Variants in MYO1G observed in about 807,000 individuals in gnomAD.
MYO1G encodes the protein unconventional myosin-Ig.
In MYO1G, 65 loss-of-function variants were observed where a neutral mutation model predicts 115.3. The observed-to-expected ratio is 0.56, with a 90% CI of 0.46 to 0.69. The LOEUF (loss-of-function observed/expected upper bound fraction) is 0.69, where lower values mean the gene tolerates loss of function less well. MYO1G is among the 30% of genes least tolerant of loss of function. The pLI is 0.00. For synonymous variants in MYO1G, 510 were observed against 552.6 expected, an observed-to-expected ratio of 0.92 and a Z score of 1.08; for missense variants, 1,204 against 1,393.5, an observed-to-expected ratio of 0.86 and a Z score of 2.16.
At chr7:44,965,916 T>G in intron 16 of MYO1G, 56 bp from the exon 17 acceptor site, 1 of 1,571,538 alleles carries the variant, frequency 6.4e-7, no homozygotes, top group Non-Finnish European at 8.6e-7. Context: ...GCCCTAACCC[T>G]TAGACCCAAA....
intron 3 of MYO1G, 83 bp from the exon 4 acceptor site, chr7:44,975,732 G>T: frequency 1.4e-6 from 2 of 1,394,166 alleles, no homozygotes; most frequent in Non-Finnish European, 9.5e-7. Context: ...CTTCCCAACA[G>T]AAATCACAGC....
In MYO1G at chr7:44,964,297, TG is replaced by T; in HGVS notation, c.2631+117del. 7.7e-7 allele frequency: 1 copy of T among 1,298,316 alleles called. No individual in the cohort carries two copies. Among genetic ancestry groups the T allele is most frequent in the East Asian group, 2.4e-5 (1 of 42,390 alleles). 80.4% of individuals were successfully genotyped at this position (1,298,316 alleles called of 1,614,324 possible). A position where few individuals can be genotyped will look rare whatever the true frequency, so the allele number is the denominator to read the frequency against. On this transcript the variant is annotated intron_variant, in intron 19 of 21. Transcript: ENST00000258787. The surrounding 1 kb of genome is among the most constrained non-coding windows in gnomAD (Gnocchi z 5.1). Reference sequence around the variant, plus strand: ...GTGTCAGGAGCAGCTGGGCCTGGGCTGGGGTTGCCTCCATTTTCTCCCAAGT... The same window carrying T: ...GTGTCAGGAGCAGCTGGGCCTGGGCTGGGTTGCCTCCATTTTCTCCCAAGT...
At chr7:44,968,288 T>C (rs1219431436) in intron 12 of MYO1G, among the ~76,000 whole-genome samples, 1 of 152,230 alleles carries the variant, frequency 6.6e-6, no homozygotes, top group Non-Finnish European at 1.5e-5. Context: ...TCAACCTCTC[T>C]GTGCTTCAGT....
At position 44,964,290 on chromosome 7, in the gene MYO1G, C is replaced by T. The variant is rs1460131840; in HGVS notation, c.2631+125G>A. 1 of 1,291,926 alleles carries T rather than the reference C, an allele frequency of 7.7e-7. No homozygotes were observed. The highest frequency in any genetic ancestry group is 1.5e-5 in the African/African-American group (1 of 68,222). The allele number at this position is 1,291,926 out of a possible 1,614,324, so 80.0% of individuals were successfully genotyped here. A position where few individuals can be genotyped will look rare whatever the true frequency, so the allele number is the denominator to read the frequency against. On this transcript the variant is annotated intron_variant, in intron 19 of 21. Transcript: ENST00000258787. The surrounding 1 kb of genome is among the most constrained non-coding windows in gnomAD (Gnocchi z 5.1). ...TTTGGGAGTGTCAGGAGCAGCTGGG[C>T]CTGGGCTGGGGTTGCCTCCATTTTC...
rs1794795987 is a variant in MYO1G, at chr7:44,964,060, G to A, written c.2734C>T (p.Pro912Ser). 1.3e-6 allele frequency: 2 copies of A among 1,592,728 alleles called. No individual in the cohort carries two copies. The highest frequency in any genetic ancestry group is 1.1e-5 in the South Asian group (1 of 87,670). The change falls in exon 20 of 22, where the codon CCC becomes TCC. Residue 912 changes from proline (P) to serine (S), a missense_variant. By Grantham distance (74) the Pro-to-Ser change is moderately conservative. Coordinates refer to ENST00000258787, the MANE Select transcript of MYO1G (RefSeq NM_033054.3). The surrounding 1 kb of genome is among the most constrained non-coding windows in gnomAD (Gnocchi z 5.1). ...CCCACATTGCTCACCGCCTCAAGGG[G>A]CACGGCCCGCATCACCCGGTACTGC... ...DRQYRVMRAV[P>S]LEAVTGLSVT...
In MYO1G at chr7:44,963,739, TC is replaced by T. The variant is rs35022274; in HGVS notation, c.2745+309del. The T allele has an allele frequency of 5.2e-6, 2 of 385,484 alleles. No individual in the cohort carries two copies. The highest frequency in any genetic ancestry group is 9.6e-6 in the Non-Finnish European group (2 of 208,028). The allele number at this position is 385,484 out of a possible 1,614,324, so 23.9% of individuals were successfully genotyped here. ...CAGAACATTGTGGTGGGTACTCAGG[TC>T]CCAGAATGCCCAGGTGGGAGAACCC... On this transcript the variant is annotated intron_variant, in intron 20 of 21. Coordinates refer to ENST00000258787, the MANE Select transcript of MYO1G (RefSeq NM_033054.3). The surrounding 1 kb of genome is among the most constrained non-coding windows in gnomAD (Gnocchi z 4.1).
At position 44,976,659 on chromosome 7, in the gene MYO1G, T is replaced by C. The variant is rs1205263098; in HGVS notation, c.305-2A>G. 2.5e-6 allele frequency: 4 copies of C among 1,614,026 alleles called. No individual in the cohort carries two copies. Among genetic ancestry groups the C allele is most frequent in the Non-Finnish European group, 3.4e-6 (4 of 1,179,996 alleles). On this transcript the variant is annotated splice_acceptor_variant, in intron 2 of 21. Coordinates refer to ENST00000258787, the MANE Select transcript of MYO1G (RefSeq NM_033054.3). LOFTEE classifies it high-confidence loss of function. ...CTGTCTTCCCTGCCCCACTCTCCCCTGCCGGAAAGACCAGAGTTGAGAGAA... is the reference window on the plus strand; with the variant it reads ...CTGTCTTCCCTGCCCCACTCTCCCCCGCCGGAAAGACCAGAGTTGAGAGAA...
chr7:44,976,623 C>T lies in MYO1G; in HGVS notation c.339G>A (p.Lys113=), dbSNP rs997729169. ...ESGAGKTEAS[K]HIMQYIAAVT... The stretch of plus-strand genomic sequence containing the variant: ...CAGCAGCGATGTACTGCATGATGTG[C>T]TTACTGGCTTCTGTCTTCCCTGCCC... The change falls in exon 3 of 22, where the codon AAG becomes AAA. Residue 113 remains lysine (K), a synonymous_variant. Transcript: ENST00000258787. 18 of 1,614,032 alleles carry T rather than the reference C, an allele frequency of 1.1e-5. No homozygotes were observed. Among genetic ancestry groups the T allele is most frequent in the Middle Eastern group, 1.6e-4 (1 of 6,084 alleles).
chr7:44,975,368 C>G (rs1416995238), intron 4 of MYO1G, 116 bp downstream of exon 4: 4 of 1,506,306 alleles, frequency 2.7e-6, no homozygotes, highest in Non-Finnish European at 3.7e-6. Context: ...AGAAGGGCCA[C>G]AGGGAGAGAC....
rs1204487706 is a variant in MYO1G, at chr7:44,964,848, G to A, written c.2526+97C>T. On this transcript the variant is annotated intron_variant, in intron 18 of 21. Transcript: ENST00000258787. The surrounding 1 kb of genome is among the most constrained non-coding windows in gnomAD (Gnocchi z 5.1). ...CCAGGACAGACAACCCCAGGCCTGGGAGAGGACATCTGAGGGGACCTGGTC... is the reference window on the plus strand; with the variant it reads ...CCAGGACAGACAACCCCAGGCCTGGAAGAGGACATCTGAGGGGACCTGGTC... 9 of 1,499,808 alleles carry A rather than the reference G, an allele frequency of 6.0e-6. No homozygotes were observed. Among genetic ancestry groups the A allele is most frequent in the Non-Finnish European group, 7.2e-6 (8 of 1,114,032 alleles). 92.9% of individuals were successfully genotyped at this position (1,499,808 alleles called of 1,614,324 possible). A position where few individuals can be genotyped will look rare whatever the true frequency, so the allele number is the denominator to read the frequency against.
chr7:44,964,022 A>AC lies in MYO1G; in HGVS notation c.2745+26dup. On this transcript the variant is annotated intron_variant, in intron 20 of 21. Coordinates refer to ENST00000258787, the MANE Select transcript of MYO1G (RefSeq NM_033054.3). The surrounding 1 kb of genome is among the most constrained non-coding windows in gnomAD (Gnocchi z 5.1). ...CAGCAGTGCCCCTCACAGATGCTGC[A>AC]CCCTACTCCCCACCCACATTGCTCA... 7.2e-6 allele frequency: 11 copies of AC among 1,534,354 alleles called. No homozygotes were observed. The highest frequency in any genetic ancestry group is 8.9e-6 in the Non-Finnish European group (10 of 1,129,834).
chr7:44,968,957 T>C (rs967625519), intron 12 of MYO1G: 2 of 181,358 alleles, frequency 1.1e-5, no homozygotes, highest in Non-Finnish European at 2.4e-5. Flanking sequence ...AACACATAAG[T>C]TAATAGCCAT....
rs1047663765 is a variant in MYO1G at position 44,964,492 on chromosome 7, G to A, written c.2554C>T (p.Leu852=). ...SATDNPTASS[L]FAQRLKTLQD... Reference sequence around the variant, plus strand: ...AGTGTCTTTAGTCGCTGAGCAAACAGGCTTGATGCTGTGGGATTGTCAGTG... The same window carrying A: ...AGTGTCTTTAGTCGCTGAGCAAACAAGCTTGATGCTGTGGGATTGTCAGTG... Residue 852 remains leucine (L), a synonymous_variant, in exon 19 of 22, where the codon CTG becomes TTG. Transcript: ENST00000258787. The surrounding 1 kb of genome is among the most constrained non-coding windows in gnomAD (Gnocchi z 5.1). 1.2e-6 allele frequency: 2 copies of A among 1,614,018 alleles called. No homozygotes were observed. The highest frequency in any genetic ancestry group is 3.3e-5 in the Admixed American group (2 of 60,024).
At chr7:44,971,219 C>T (rs1392813476) in intron 7 of MYO1G, among the ~76,000 whole-genome samples, 160 bp from the exon 8 acceptor site, 1 of 152,228 alleles carries the variant, frequency 6.6e-6, no homozygotes, top group African/African-American at 2.4e-5. Flanking sequence ...GGCACAGACA[C>T]AGCCAGAGAC....
chr7:44,971,812 C>T (rs1221737606), intron 6 of MYO1G, 23 bp from the exon 7 acceptor site: 25 of 1,520,334 alleles, frequency 1.6e-5, no homozygotes, highest in East Asian at 2.4e-5. Context: ...GGATTCATCA[C>T]TCCAAAGCCA....
chr7:44,972,089 G>T, intron 6 of MYO1G, 26 bp downstream of exon 6: 1 of 1,572,082 alleles, frequency 6.4e-7, no homozygotes, highest in Non-Finnish European at 8.8e-7. Flanking sequence ...AGCCCAGTTT[G>T]AGCCCTTGGT....
chr7:44,976,868 A>G lies in MYO1G; in HGVS notation c.299T>C (p.Ile100Thr). The change falls in exon 2 of 22, where the codon ATC becomes ACC. Residue 100 changes from isoleucine (I) to threonine (T), a missense_variant. Ile to Thr is a moderately conservative substitution (Grantham distance 89, BLOSUM62 -1). Transcript: ENST00000258787. ...KHRSRDTCIV[I>T]SGESGAGKTE... ...CCGGCGGCAGGGACAGGTACCTGAGATGACGATGCAGGTGTCCCTGGACCG... is the reference window on the plus strand; with the variant it reads ...CCGGCGGCAGGGACAGGTACCTGAGGTGACGATGCAGGTGTCCCTGGACCG... 1.9e-6 allele frequency: 3 copies of G among 1,613,322 alleles called. No individual in the cohort carries two copies. The highest frequency in any genetic ancestry group is 2.5e-6 in the Non-Finnish European group (3 of 1,179,990).
chr7:44,964,745 C>T lies in MYO1G; in HGVS notation c.2526+200G>A, dbSNP rs1181179962. ...AGCCTGGCCCTCCTGTCATCCACAC[C>T]CACCCCCGAAGGCCACTGCTCCTGA... On this transcript the variant is annotated intron_variant, in intron 18 of 21. Transcript: ENST00000258787. The surrounding 1 kb of genome is among the most constrained non-coding windows in gnomAD (Gnocchi z 5.1). Among the ~76,000 whole-genome samples, 1 of 152,076 alleles carries T rather than the reference C, an allele frequency of 6.6e-6. No homozygotes were observed.
In MYO1G at chr7:44,969,450, G is replaced by A. The variant is rs760750378; in HGVS notation, c.1537C>T (p.Arg513Ter). 5.6e-6 allele frequency: 9 copies of A among 1,613,888 alleles called. No individual in the cohort carries two copies. Among genetic ancestry groups the A allele is most frequent in the Admixed American group, 1.7e-5 (1 of 60,010 alleles). The change falls in exon 12 of 22, where the codon CGA (arginine) becomes TGA (stop). Residue 513 changes from arginine to a stop codon, truncating the protein, a stop_gained. Coordinates refer to ENST00000258787, the MANE Select transcript of MYO1G (RefSeq NM_033054.3). LOFTEE classifies it high-confidence loss of function. This position sits in a 1 kb window ranked among gnomAD's most constrained non-coding sequence, Gnocchi z 5.0. ...GCATAGTGCTTGATCCGGAAGTCTC[G>A]GCCAAACTCCATGGTCTTGTCTGTG... ...CPTDKTMEFG[R>*]DFRIKHYAGD...
Sources: allele counts gnomAD v4.1 joint callset (sites outside exome capture counted in the v4.1 genomes callset), GRCh38; gene constraint gnomAD v4.1.1; non-coding constraint Gnocchi (gnomAD v3.1); transcripts MANE v1.5; gene names NCBI Gene and HGNC (gene_info 2026-07-23, HGNC 2026-07-21).